Variants in RRP15 observed in about 807,000 individuals in gnomAD.
RRP15 encodes RRP15-like protein.
In RRP15, 18 loss-of-function variants were observed where a neutral mutation model predicts 27.1. That is an observed-to-expected ratio of 0.66 (90% CI 0.46 to 0.98). The LOEUF (loss-of-function observed/expected upper bound fraction) is 0.98, where lower values mean the gene tolerates loss of function less well. RRP15 is among the 50% of genes least tolerant of loss of function. The pLI, the probability that RRP15 is intolerant of heterozygous loss-of-function variation, is 0.00. For synonymous variants in RRP15, 107 were observed against 109.4 expected (o/e 0.98, Z 0.14); for missense variants, 359 against 337.8 (o/e 1.06, Z -0.49).
chr1:218,297,185 A>C (rs1002551719), intron 1 of RRP15, among the ~76,000 whole-genome samples: 2 of 152,208 alleles, frequency 1.3e-5, no homozygotes, highest in African/African-American at 4.8e-5. Context: ...GTACTGGAAT[A>C]AGAACATAAC....
intron 1 of RRP15, among the ~76,000 whole-genome samples, chr1:218,290,541 C>T (rs368111460): frequency 6.6e-6 from 1 of 152,292 alleles, no homozygotes; most frequent in East Asian, 1.9e-4. Flanking sequence ...AATCTTGGCT[C>T]ACTGCAACCT....
chr1:218,295,884 T>C (rs1400268390), intron 1 of RRP15, among the ~76,000 whole-genome samples: 2 of 152,172 alleles, frequency 1.3e-5, no homozygotes, highest in East Asian at 3.8e-4. Context: ...TATGGAAACC[T>C]GGGATGACTT....
intron 2 of RRP15, 112 bp downstream of exon 2, chr1:218,302,671 GT>G: frequency 2.0e-6 from 3 of 1,472,242 alleles, no homozygotes; most frequent in Non-Finnish European, 2.7e-6. Flanking sequence ...TTTTTAACTT[GT>G]TTTTTATGTG....
At chr1:218,310,854 T>C (rs938844326) in intron 4 of RRP15, among the ~76,000 whole-genome samples, 2 of 152,084 alleles carry the variant, frequency 1.3e-5, no homozygotes, top group Non-Finnish European at 2.9e-5. Flanking sequence ...GTTCAAGCGA[T>C]TCTCCTGTCT....
At chr1:218,309,682 CAAAAAAAAAAAAAAA>C (rs751452477) in intron 4 of RRP15, among the ~76,000 whole-genome samples, 3 of 22,506 alleles carry the variant, frequency 1.3e-4, no homozygotes, top group East Asian at 1.5e-3. Flanking sequence ...GACTCCATCT[CAAAAAAAAAAAAAAA>C]AAAAAAAAAA....
At chr1:218,291,080 A>C (rs1020513769) in intron 1 of RRP15, among the ~76,000 whole-genome samples, 4 of 152,204 alleles carry the variant, frequency 2.6e-5, no homozygotes, top group Admixed American at 2.6e-4. Context: ...TCGAGACTGC[A>C]GTGAGCTGTG....
chr1:218,285,511 T>C (rs1016532447), intron 1 of RRP15, 56 bp downstream of exon 1: 32 of 1,606,330 alleles, frequency 2.0e-5, no homozygotes, highest in Non-Finnish European at 2.6e-5. Context: ...GCTGAGTTCG[T>C]GTCAAGCAGC....
intron 4 of RRP15, among the ~76,000 whole-genome samples, chr1:218,319,254 G>A (rs1040743788): frequency 1.3e-5 from 2 of 152,044 alleles, no homozygotes; most frequent in East Asian, 1.9e-4. Context: ...TAGTAGAGAT[G>A]GGGTTTCACC....
At chr1:218,309,677 C>A (rs1655959999) in intron 4 of RRP15, among the ~76,000 whole-genome samples, 2 of 92,442 alleles carry the variant, frequency 2.2e-5, no homozygotes, top group Non-Finnish European at 1.9e-5. Context: ...AGAGAGACTC[C>A]ATCTCAAAAA....
At chr1:218,293,739 ACAAAACT>A (rs1298943047) in intron 1 of RRP15, among the ~76,000 whole-genome samples, 5 of 152,196 alleles carry the variant, frequency 3.3e-5, no homozygotes, top group Admixed American at 6.5e-5. Flanking sequence ...TTTCATGAGA[ACAAAACT>A]CAAAACTCAA....
intron 4 of RRP15, among the ~76,000 whole-genome samples, chr1:218,313,995 T>G (rs1656041008): frequency 6.6e-6 from 1 of 151,482 alleles, no homozygotes; most frequent in Non-Finnish European, 1.5e-5. Context: ...TTATTTTATT[T>G]TATTTTATTT....
chr1:218,303,594 G>C (rs1041534781), intron 2 of RRP15, among the ~76,000 whole-genome samples: 2 of 152,130 alleles, frequency 1.3e-5, no homozygotes, highest in African/African-American at 2.4e-5. Flanking sequence ...GCTAGAAGAG[G>C]CTTCAAAAAT....
At chr1:218,320,019 T>C (rs1353930397) in intron 4 of RRP15, among the ~76,000 whole-genome samples, 1 of 145,338 alleles carries the variant, frequency 6.9e-6, no homozygotes, top group Admixed American at 6.8e-5. Context: ...TACCTTAGGT[T>C]TTTTTTTTTT....
At chr1:218,298,040 C>T (rs1655748128) in intron 1 of RRP15, among the ~76,000 whole-genome samples, 1 of 152,084 alleles carries the variant, frequency 6.6e-6, no homozygotes, top group Admixed American at 6.6e-5. Context: ...TTTAACATTC[C>T]TATCCCTTTG....
chr1:218,337,093 T>C lies in RRP15; in HGVS notation c.*6002T>C, dbSNP rs1302779256. 6.6e-6 allele frequency: 1 copy of C among 152,188 alleles called. No individual in the cohort carries two copies. Among genetic ancestry groups the C allele is most frequent in the Non-Finnish European group, 1.5e-5 (1 of 68,036 alleles). The allele number at this position is 152,188 out of a possible 1,614,324, so 9.4% of individuals were successfully genotyped here. ...CATGTAAATCAGATACAATAATATA[T>C]AGTTCAGGGTGTAAAGATTGGATTA... On this transcript the variant is annotated 3_prime_UTR_variant, in exon 5 of 5. Coordinates refer to ENST00000366932, the MANE Select transcript of RRP15 (RefSeq NM_016052.4).
chr1:218,323,637 C>T (rs1288027696), intron 4 of RRP15, among the ~76,000 whole-genome samples: 1 of 152,202 alleles, frequency 6.6e-6, no homozygotes, highest in Non-Finnish European at 1.5e-5. Flanking sequence ...TGTCTGCTTC[C>T]TGCCACTGCT....
chr1:218,324,518 C>T (rs758509950), intron 4 of RRP15, among the ~76,000 whole-genome samples: 3 of 152,204 alleles, frequency 2.0e-5, no homozygotes, highest in Non-Finnish European at 4.4e-5. Flanking sequence ...CTGCTACCAC[C>T]GCCTGCACCT....
intron 4 of RRP15, among the ~76,000 whole-genome samples, chr1:218,322,395 G>A (rs985366336): frequency 5.3e-5 from 8 of 152,080 alleles, no homozygotes; most frequent in African/African-American, 1.9e-4. Flanking sequence ...TTGTTAGGAA[G>A]TAAAACAGAA....
chr1:218,307,607 G>A lies in RRP15; in HGVS notation c.680G>A (p.Ser227Asn). ...GGAAGTACAAATGAGACTGCTTCAA[G>A]CAGGAAGAAACCAAAAGCCAAACAG... ...MDGSTNETAS[S>N]RKKPKAKQTE... The change falls in exon 4 of 5, where the codon AGC (serine) becomes AAC (asparagine). Residue 227 changes from serine to asparagine, a missense_variant. Physicochemically the swap from Ser to Asn is conservative, Grantham distance 46. Coordinates refer to ENST00000366932, the MANE Select transcript of RRP15 (RefSeq NM_016052.4). 6.2e-7 allele frequency: 1 copy of A among 1,613,780 alleles called. No individual in the cohort carries two copies. Among genetic ancestry groups the A allele is most frequent in the Non-Finnish European group, 8.5e-7 (1 of 1,179,870 alleles).
Sources: allele counts gnomAD v4.1 joint callset (sites outside exome capture counted in the v4.1 genomes callset), GRCh38; gene constraint gnomAD v4.1.1; transcripts MANE v1.5; gene names NCBI Gene and HGNC (gene_info 2026-07-23, HGNC 2026-07-21).